LHX4: variants seen among roughly 807,000 people sequenced by gnomAD.
LHX4 encodes the protein LIM homeobox 4.
In LHX4, 16 loss-of-function variants were observed where a neutral mutation model predicts 39.2. The observed-to-expected ratio is 0.41, with a 90% confidence interval of 0.28 to 0.62. The LOEUF (loss-of-function observed/expected upper bound fraction) is 0.62, where lower values mean the gene tolerates loss of function less well. Among genes scored for constraint, LHX4 ranks in the 20% least tolerant of loss-of-function variants. LHX4 has a pLI of 0.33. For synonymous variants in LHX4, 206 were observed against 198.1 expected, an observed-to-expected ratio of 1.04 and a Z score of -0.33; for missense variants, 439 against 511.9, an observed-to-expected ratio of 0.86 and a Z score of 1.37.
At chr1:180,251,425 A>G (rs1647625076) in intron 2 of LHX4, among the ~76,000 whole-genome samples, 1 of 152,028 alleles carries the variant, frequency 6.6e-6, no homozygotes, top group Admixed American at 6.5e-5. Flanking sequence ...TGGAGCCATC[A>G]CTTCCTGTCT....
intron 1 of LHX4, among the ~76,000 whole-genome samples, chr1:180,246,486 C>T (rs1271938946): frequency 1.3e-5 from 2 of 152,060 alleles, no homozygotes; most frequent in Non-Finnish European, 2.9e-5. Flanking sequence ...CCGAGGCAGG[C>T]GGATCACCTG....
chr1:180,230,312 G>A lies in LHX4; in HGVS notation c.-218G>A, dbSNP rs1664145776. ...ACCTGGGATGTGCACCAACCCCGGA[G>A]AGCGAGATCAAAGGGACTGGAAACA... On this transcript the variant is annotated 5_prime_UTR_variant, in exon 1 of 6. Transcript: ENST00000263726. This position sits in a 1 kb window ranked among gnomAD's most constrained non-coding sequence, Gnocchi z 5.8. 5.1e-5 allele frequency: 31 copies of A among 612,068 alleles called. 1 individual carries two copies. The South Asian group carries it at 5.7e-4, about 11-fold the overall frequency. The allele number at this position is 612,068 out of a possible 1,614,324, so 37.9% of individuals were successfully genotyped here. A position where few individuals can be genotyped will look rare whatever the true frequency, so the allele number is the denominator to read the frequency against.
At position 180,274,255 on chromosome 1, in the gene LHX4, A is replaced by C. The variant is rs373879455; in HGVS notation, c.849A>C (p.Gly283=). The part of the protein sequence containing the change: ...IYGNVGDVTG[G]QLMNGSFSMD... ...GCAACGTGGGGGACGTTACAGGCGG[A>C]CAGTTAATGAATGGGAGCTTCTCCA... Residue 283 remains glycine (G), a synonymous_variant, in exon 6 of 6, where the codon GGA becomes GGC. Transcript: ENST00000263726. The C allele has an allele frequency of 3.1e-4, 497 of 1,614,232 alleles. 2 individuals are homozygous for C. In the Middle Eastern group the frequency reaches 4.6e-3, roughly 15 times the overall value.
intron 3 of LHX4, among the ~76,000 whole-genome samples, chr1:180,267,095 G>A (rs1016839951): frequency 2.6e-5 from 4 of 152,198 alleles, no homozygotes; most frequent in East Asian, 1.9e-4. Context: ...TGTTCTGTTC[G>A]CCTCGCAGAC....
chr1:180,245,434 G>A (rs1055711205), intron 1 of LHX4, among the ~76,000 whole-genome samples: 1 of 152,206 alleles, frequency 6.6e-6, no homozygotes, highest in Non-Finnish European at 1.5e-5. Flanking sequence ...GAGACCAGGG[G>A]TGTGGCTGAG....
At chr1:180,272,682 T>C (rs1285722567) in intron 5 of LHX4, 1 of 152,284 alleles carries the variant, frequency 6.6e-6, no homozygotes. Flanking sequence ...TTCTCAAATG[T>C]GGAAGGTCTT....
intron 3 of LHX4, chr1:180,270,222 C>A (rs1014599562): frequency 5.3e-5 from 8 of 152,232 alleles, no homozygotes. Context: ...TTAGTCAACA[C>A]CAGCACATGG....
intron 2 of LHX4, 58 bp downstream of exon 2, chr1:180,248,514 T>A: frequency 6.3e-7 from 1 of 1,591,646 alleles, no homozygotes; most frequent in Non-Finnish European, 8.6e-7. Flanking sequence ...CCCCAAGCAG[T>A]GAGGGGGAAG....
chr1:180,271,716 C>T, intron 4 of LHX4, 119 bp from the exon 5 acceptor site: 1 of 1,322,764 alleles, frequency 7.6e-7, no homozygotes, highest in Non-Finnish European at 1.1e-6. Flanking sequence ...GCATCGCACT[C>T]CCAGACCTGT....
At chr1:180,229,961 G>GAGGCGGT (rs1238008078), upstream of LHX4, among the ~76,000 whole-genome samples, 11 of 48,650 alleles carry the variant, frequency 2.3e-4, no homozygotes, top group African/African-American at 1.7e-3. Context: ...GGCGGAGGCG[G>GAGGCGGT]GGAGGGGGGG....
chr1:180,253,043 G>A (rs1189060189), intron 2 of LHX4, among the ~76,000 whole-genome samples: 1 of 152,174 alleles, frequency 6.6e-6, no homozygotes, highest in Non-Finnish European at 1.5e-5. Context: ...GTTGACTAAG[G>A]GAGCACAGTG....
chr1:180,233,628 G>A (rs990671861), intron 1 of LHX4, among the ~76,000 whole-genome samples: 1 of 152,248 alleles, frequency 6.6e-6, no homozygotes, highest in Non-Finnish European at 1.5e-5. Flanking sequence ...CATATAGGAA[G>A]GTGGGGCGTT....
intron 2 of LHX4, among the ~76,000 whole-genome samples, chr1:180,265,101 C>G (rs1329996413): frequency 6.6e-6 from 1 of 152,136 alleles, no homozygotes; most frequent in Non-Finnish European, 1.5e-5. Flanking sequence ...ATCATGATAG[C>G]CATGACCATA....
At chr1:180,256,213 C>G (rs574048197) in intron 2 of LHX4, among the ~76,000 whole-genome samples, 1 of 152,218 alleles carries the variant, frequency 6.6e-6, no homozygotes, top group African/African-American at 2.4e-5. Context: ...CTCCTCAGCC[C>G]GTCTGGCTCT....
At chr1:180,267,123 C>T (rs1471207217) in intron 3 of LHX4, among the ~76,000 whole-genome samples, 1 of 152,242 alleles carries the variant, frequency 6.6e-6, no homozygotes, top group African/African-American at 2.4e-5. Context: ...TCCTCTAGGG[C>T]AGGGCCTCCT....
intron 2 of LHX4, among the ~76,000 whole-genome samples, chr1:180,256,752 C>G (rs1484317373): frequency 6.6e-6 from 1 of 152,132 alleles, no homozygotes; most frequent in Non-Finnish European, 1.5e-5. Flanking sequence ...TAAGCACCCC[C>G]GATGCGTCTC....
intron 1 of LHX4, among the ~76,000 whole-genome samples, chr1:180,245,822 G>A (rs1647361646): frequency 6.6e-6 from 1 of 152,166 alleles, no homozygotes; most frequent in South Asian, 2.1e-4. Flanking sequence ...AGCAGAGCCA[G>A]GATCCAAACC....
rs142044989 is a variant in LHX4 at position 180,274,567 on chromosome 1, T to G, written c.1161T>G (p.His387Gln). The G allele has an allele frequency of 1.2e-4, 196 of 1,577,706 alleles. No homozygotes were observed. The highest frequency in any genetic ancestry group is 1.4e-4 in the Non-Finnish European group (167 of 1,162,048). ...GCTCTTGGCTCGATGAAATGGATCATCCTCCTTTTTAAACTTCTCTCCTCC... is the reference window on the plus strand; with the variant it reads ...GCTCTTGGCTCGATGAAATGGATCAGCCTCCTTTTTAAACTTCTCTCCTCC... ...SPGSWLDEMD[H>Q]PPF Residue 387 changes from histidine to glutamine, a missense_variant, in exon 6 of 6, where the codon CAT (histidine) becomes CAG (glutamine). By Grantham distance (24) the His-to-Gln change is conservative. Transcript: ENST00000263726.
Position 180,266,467 on chromosome 1 carries a change from T to C in LHX4, c.324T>C (p.Phe108=), listed in dbSNP as rs2149263238. Residue 108 remains phenylalanine (F), a synonymous_variant, in exon 3 of 6, where the codon TTT becomes TTC. Coordinates refer to ENST00000263726, the MANE Select transcript of LHX4 (RefSeq NM_033343.4). This position sits in a 1 kb window ranked among gnomAD's most constrained non-coding sequence, Gnocchi z 5.7. The stretch of plus-strand genomic sequence containing the variant: ...AGGTGGTCCGCAAGGCCCAGGACTT[T>C]GTCTACCACCTGCACTGCTTTGCTT... ...PTQVVRKAQD[F]VYHLHCFACI... 6.2e-7 allele frequency: 1 copy of C among 1,614,234 alleles called. No homozygotes were observed. The highest frequency in any genetic ancestry group is 1.1e-5 in the South Asian group (1 of 91,090).
Sources: gnomAD v4.1 joint callset for allele counts (sites outside exome capture counted in the v4.1 genomes callset) on GRCh38, gnomAD v4.1.1 for gene constraint, Gnocchi (gnomAD v3.1) non-coding constraint, MANE v1.5 for transcripts, NCBI Gene and HGNC (gene_info 2026-07-23, HGNC 2026-07-21) for gene names.